The following AGO2 variants were observed in gnomAD, a reference collection of about 807,000 sequenced individuals.
AGO2 encodes argonaute RISC catalytic component 2, also known as protein argonaute-2.
AGO2 carries 5 observed loss-of-function variants against 102.3 expected under a neutral mutation model. That is an observed-to-expected ratio of 0.05 (90% CI 0.03 to 0.10). The LOEUF (loss-of-function observed/expected upper bound fraction) is 0.10. Among genes scored for constraint, AGO2 ranks in the 10% least tolerant of loss-of-function variants. AGO2 has a pLI of 1.00. For synonymous variants in AGO2, 449 were observed against 473.1 expected (o/e 0.95, Z 0.66); for missense variants, 541 against 1,183.7 (o/e 0.46, Z 7.97).
intron 1 of AGO2, among the ~76,000 whole-genome samples, chr8:140,616,390 C>T (rs1044266827): frequency 1.3e-5 from 2 of 152,204 alleles, no homozygotes; most frequent in Admixed American, 6.5e-5. Context: ...CACTTCACTC[C>T]CACAGTGTAA....
chr8:140,625,228 C>T (rs1198976200), intron 1 of AGO2, among the ~76,000 whole-genome samples: 1 of 152,230 alleles, frequency 6.6e-6, no homozygotes, highest in African/African-American at 2.4e-5. Context: ...ACCTCCACCT[C>T]CTGGGTAGCT....
intron 1 of AGO2, among the ~76,000 whole-genome samples, chr8:140,601,409 A>G (rs2073932249): frequency 6.6e-6 from 1 of 152,124 alleles, no homozygotes; most frequent in Non-Finnish European, 1.5e-5. Context: ...CACCTGGCAC[A>G]CTACATCTCC....
chr8:140,564,578 T>C (rs2073250773), intron 3 of AGO2, among the ~76,000 whole-genome samples: 1 of 152,232 alleles, frequency 6.6e-6, no homozygotes, highest in Admixed American at 6.5e-5. Context: ...TTCCACTTAA[T>C]GAAAAGTAGA....
chr8:140,581,162 G>A (rs1011199845), intron 2 of AGO2, among the ~76,000 whole-genome samples: 1 of 152,256 alleles, frequency 6.6e-6, no homozygotes, highest in African/African-American at 2.4e-5. Context: ...CAGCACTTTG[G>A]GAGGCCAAGG....
chr8:140,577,626 G>A (rs190629114), intron 2 of AGO2, among the ~76,000 whole-genome samples: 25 of 152,332 alleles, frequency 1.6e-4, no homozygotes, highest in African/African-American at 5.8e-4. Flanking sequence ...AGGCCATGGC[G>A]CTGGGGCAGG....
At chr8:140,544,369 C>T (rs1047033439) in intron 13 of AGO2, 66 bp from the exon 14 acceptor site, 2 of 1,349,032 alleles carry the variant, frequency 1.5e-6, no homozygotes, top group Non-Finnish European at 2.0e-6. Flanking sequence ...CTAGTAGGTG[C>T]CACCATCACC....
chr8:140,607,513 T>TATAC lies in AGO2; in HGVS notation c.23-22206_23-22203dup, dbSNP rs1455975023. Reference sequence around the variant, plus strand: ...ATATATATATATATATATATATATATATACACACACACACACGTATGGAAA... The same window carrying TATAC: ...ATATATATATATATATATATATATATATACATACACACACACACACGTATGGAAA... On this transcript the variant is annotated intron_variant, in intron 1 of 18. Coordinates refer to ENST00000220592, the MANE Select transcript of AGO2 (RefSeq NM_012154.5). 4.9e-4 allele frequency among the ~76,000 whole-genome samples: 5 copies of TATAC among 10,274 alleles called. 1 individual carries two copies. Among genetic ancestry groups the TATAC allele is most frequent in the African/African-American group, 1.3e-3 (5 of 3,818 alleles). The allele number at this position is 10,274 out of a possible 152,430, so 6.7% of individuals were successfully genotyped here.
chr8:140,532,922 C>T (rs886727905), intron 17 of AGO2, among the ~76,000 whole-genome samples: 1 of 150,990 alleles, frequency 6.6e-6, no homozygotes, highest in East Asian at 2.0e-4. Flanking sequence ...CACTTGAACC[C>T]GTGAGGTAGA....
intron 1 of AGO2, among the ~76,000 whole-genome samples, chr8:140,625,699 G>C (rs900990221): frequency 6.6e-6 from 1 of 152,058 alleles, no homozygotes; most frequent in Admixed American, 6.5e-5. Flanking sequence ...GCGCATCCCC[G>C]ACCAGATCCT....
chr8:140,561,737 T>C (rs1318725027), intron 4 of AGO2, among the ~76,000 whole-genome samples: 1 of 152,254 alleles, frequency 6.6e-6, no homozygotes, highest in African/African-American at 2.4e-5. Context: ...TCTCCTGGAA[T>C]CTTAAAGCTT....
intron 14 of AGO2, among the ~76,000 whole-genome samples, chr8:140,542,213 C>A (rs892757715): frequency 6.6e-6 from 1 of 152,106 alleles, no homozygotes; most frequent in Admixed American, 6.5e-5. Context: ...TAGATCCCCA[C>A]GTGTCGCTCC....
chr8:140,580,508 G>C (rs1206854396), intron 2 of AGO2, among the ~76,000 whole-genome samples: 1 of 152,222 alleles, frequency 6.6e-6, no homozygotes, highest in Non-Finnish European at 1.5e-5. Flanking sequence ...CCAGACTCAT[G>C]ATGGGCTCAG....
intron 14 of AGO2, among the ~76,000 whole-genome samples, chr8:140,543,352 T>A (rs1359462559): frequency 6.6e-6 from 1 of 152,220 alleles, no homozygotes; most frequent in Non-Finnish European, 1.5e-5. Flanking sequence ...GCACATATCA[T>A]GTTGCTTTTC....
chr8:140,627,718 A>AC (rs2074294374), intron 1 of AGO2, among the ~76,000 whole-genome samples: 1 of 152,254 alleles, frequency 6.6e-6, no homozygotes, highest in Admixed American at 6.5e-5. Flanking sequence ...CCCAGTAATC[A>AC]CCTTCAGAAG....
intron 3 of AGO2, among the ~76,000 whole-genome samples, chr8:140,570,286 T>C (rs747894479): frequency 1.3e-5 from 2 of 152,216 alleles, no homozygotes; most frequent in Non-Finnish European, 2.9e-5. Context: ...AGTGCAATGG[T>C]GTGATCTTGG....
At chr8:140,551,048 C>G (rs961291689) in intron 11 of AGO2, among the ~76,000 whole-genome samples, 1 of 152,180 alleles carries the variant, frequency 6.6e-6, no homozygotes, top group Non-Finnish European at 1.5e-5. Context: ...TTGGTTTTGT[C>G]TACGGTCTGC....
At chr8:140,609,097 G>A (rs528588346) in intron 1 of AGO2, among the ~76,000 whole-genome samples, 3 of 152,366 alleles carry the variant, frequency 2.0e-5, no homozygotes, top group Admixed American at 1.3e-4. Flanking sequence ...GCAGGATGCC[G>A]CCTCAGGGCC....
chr8:140,579,900 C>T (rs2073528475), intron 2 of AGO2, among the ~76,000 whole-genome samples: 1 of 152,230 alleles, frequency 6.6e-6, no homozygotes, highest in African/African-American at 2.4e-5. Context: ...CTGCCTGGCC[C>T]CCTGCTCCAC....
chr8:140,597,076 T>G (rs2073856280), intron 1 of AGO2, among the ~76,000 whole-genome samples: 3 of 152,166 alleles, frequency 2.0e-5, no homozygotes, highest in African/African-American at 7.2e-5. Context: ...TACGTCATGG[T>G]TAAAGGGAAC....
Sources: allele counts gnomAD v4.1 joint callset (sites outside exome capture counted in the v4.1 genomes callset), GRCh38; gene constraint gnomAD v4.1.1; transcripts MANE v1.5; gene names NCBI Gene and HGNC (gene_info 2026-07-23, HGNC 2026-07-21).